The following ELAVL4 variants were observed in gnomAD, a reference collection of about 807,000 sequenced individuals.
ELAVL4 encodes the protein ELAV like RNA binding protein 4, also known as ELAV-like protein 4.
A neutral mutation model predicts 35.6 loss-of-function variants in ELAVL4; 1 was observed. The ratio of observed to expected loss-of-function variants is 0.03; its 90% CI spans 0.01 to 0.13. The LOEUF (loss-of-function observed/expected upper bound fraction) is 0.13. Ranked by LOEUF, ELAVL4 falls within the 10% of genes least tolerant of loss-of-function variation. ELAVL4 has a pLI of 1.00. For missense variants in ELAVL4, 267 were observed against 464.9 expected (o/e 0.57, Z 3.91); for synonymous variants, 156 against 171.0 (o/e 0.91, Z 0.69).
chr1:50,128,813 A>G (rs1670383954), intron 1 of ELAVL4, among the ~76,000 whole-genome samples: 1 of 152,108 alleles, frequency 6.6e-6, no homozygotes, highest in Non-Finnish European at 1.5e-5. Flanking sequence ...TGTGCATTCC[A>G]GGGCTTATGG....
At chr1:50,193,982 G>T in intron 4 of ELAVL4, 64 bp downstream of exon 4, 1 of 1,578,422 alleles carries the variant, frequency 6.3e-7, no homozygotes, top group Non-Finnish European at 8.6e-7. Context: ...TTACTCATAA[G>T]AGCAGAAGGC....
chr1:50,117,758 C>A (rs774517312), intron 1 of ELAVL4, among the ~76,000 whole-genome samples: 2 of 152,108 alleles, frequency 1.3e-5, no homozygotes, highest in African/African-American at 2.4e-5. Flanking sequence ...AGAAAGAGGC[C>A]CATCTGCCCA....
At chr1:50,185,355 A>G (rs772332520) in intron 3 of ELAVL4, among the ~76,000 whole-genome samples, 15 of 152,250 alleles carry the variant, frequency 9.9e-5, no homozygotes, top group Non-Finnish European at 1.8e-4. Context: ...CCTCATCTGC[A>G]AAATGATTTT....
intron 2 of ELAVL4, 91 bp downstream of exon 2, chr1:50,145,288 A>G (rs1434722930): frequency 5.1e-6 from 8 of 1,563,970 alleles, no homozygotes; most frequent in Non-Finnish European, 7.0e-6. Context: ...GAATGTCTAT[A>G]TCATGTACCC....
chr1:50,171,248 G>A (rs1332537353), intron 2 of ELAVL4, among the ~76,000 whole-genome samples: 2 of 152,096 alleles, frequency 1.3e-5, no homozygotes, highest in Admixed American at 1.3e-4. Context: ...AGAAGGAGAA[G>A]AGACCCCCAG....
rs1644416395 is a variant in ELAVL4 at position 50,202,112 on chromosome 1, A to G, written c.*934A>G. ...TGGGCTATAAACAGATGATCTTCAT[A>G]TCTTTTCATAGCATGTAATAATAAT... On this transcript the variant is annotated 3_prime_UTR_variant, in exon 7 of 7. Transcript: ENST00000371824. The G allele has an allele frequency of 6.6e-6, 1 of 152,174 alleles. No individual in the cohort carries two copies. The allele number at this position is 152,174 out of a possible 1,614,324, so 9.4% of individuals were successfully genotyped here. A position where few individuals can be genotyped will look rare whatever the true frequency, so the allele number is the denominator to read the frequency against.
chr1:50,146,516 A>G (rs1402476883), intron 2 of ELAVL4, among the ~76,000 whole-genome samples: 3 of 152,156 alleles, frequency 2.0e-5, no homozygotes, highest in African/African-American at 7.2e-5. Flanking sequence ...AAATAAATCT[A>G]TTATTGTAAG....
At chr1:50,122,885 A>G (rs1322224630) in intron 1 of ELAVL4, among the ~76,000 whole-genome samples, 1 of 152,110 alleles carries the variant, frequency 6.6e-6, no homozygotes, top group Non-Finnish European at 1.5e-5. Flanking sequence ...AAAAGGATTA[A>G]TACCACTCAG....
chr1:50,197,379 A>C (rs2148889965), intron 5 of ELAVL4, 50 bp from the exon 6 acceptor site: 1 of 1,539,538 alleles, frequency 6.5e-7, no homozygotes, highest in East Asian at 2.4e-5. Flanking sequence ...CCATTGAGCG[A>C]TCTTGCCATC....
chr1:50,118,416 A>G (rs1668316624), intron 1 of ELAVL4, among the ~76,000 whole-genome samples: 1 of 152,026 alleles, frequency 6.6e-6, no homozygotes, highest in Non-Finnish European at 1.5e-5. Context: ...CACCTCTAGA[A>G]GTGATCAGAT....
chr1:50,057,963 G>T (rs1663766022), intron 1 of ELAVL4, among the ~76,000 whole-genome samples: 1 of 152,082 alleles, frequency 6.6e-6, no homozygotes, highest in African/African-American at 2.4e-5. Flanking sequence ...TTCTTTTTGG[G>T]TATAAATTAT....
At chr1:50,161,535 C>A (rs774011434) in intron 2 of ELAVL4, among the ~76,000 whole-genome samples, 2 of 151,944 alleles carry the variant, frequency 1.3e-5, no homozygotes, top group Non-Finnish European at 2.9e-5. Context: ...TTACAAATTT[C>A]CTTTCTTTTC....
rs766781834 is a variant in ELAVL4, at chr1:50,195,556, C to T, written c.509-5C>T. The T allele has an allele frequency of 6.2e-7, 1 of 1,614,030 alleles. No individual in the cohort carries two copies. Among genetic ancestry groups the T allele is most frequent in the Non-Finnish European group, 8.5e-7 (1 of 1,179,936 alleles). On this transcript the variant is annotated splice_polypyrimidine_tract_variant and splice_region_variant and intron_variant, in intron 4 of 6. Coordinates refer to ENST00000371824, the MANE Select transcript of ELAVL4 (RefSeq NM_001144774.3). ...TCTTTACAAAGGCTCTTTCTCTTTCCCCAGGAGTGTCCAGAGGGGTGGGAT... is the reference window on the plus strand; with the variant it reads ...TCTTTACAAAGGCTCTTTCTCTTTCTCCAGGAGTGTCCAGAGGGGTGGGAT...
intron 1 of ELAVL4, among the ~76,000 whole-genome samples, chr1:50,140,774 T>C (rs1238185391): frequency 6.6e-6 from 1 of 152,226 alleles, no homozygotes; most frequent in Non-Finnish European, 1.5e-5. Context: ...CAGTTCCTTC[T>C]GGATACACAA....
intron 3 of ELAVL4, among the ~76,000 whole-genome samples, chr1:50,189,321 T>C (rs1224575603): frequency 1.3e-5 from 2 of 152,206 alleles, no homozygotes; most frequent in African/African-American, 4.8e-5. Context: ...AAGGGAGTTG[T>C]GGGTGCTGCA....
At chr1:50,141,619 G>A (rs1358570983) in intron 1 of ELAVL4, among the ~76,000 whole-genome samples, 1 of 152,152 alleles carries the variant, frequency 6.6e-6, no homozygotes, top group Non-Finnish European at 1.5e-5. Flanking sequence ...CCTTCCCTGG[G>A]GACCATCTCC....
chr1:50,124,564 T>C (rs1669566675), intron 1 of ELAVL4, among the ~76,000 whole-genome samples: 1 of 152,100 alleles, frequency 6.6e-6, no homozygotes, highest in African/African-American at 2.4e-5. Flanking sequence ...TGTCTCCTAT[T>C]TTATCTTACT....
intron 3 of ELAVL4, 135 bp downstream of exon 3, chr1:50,177,327 T>C (rs1156938069): frequency 2.9e-6 from 2 of 680,294 alleles, no homozygotes; most frequent in African/African-American, 1.8e-5. Flanking sequence ...CCATCCACTA[T>C]ACTAAATGGG....
chr1:50,127,460 G>T (rs11585270), intron 1 of ELAVL4, among the ~76,000 whole-genome samples: 1 of 152,050 alleles, frequency 6.6e-6, no homozygotes, highest in Non-Finnish European at 1.5e-5. Flanking sequence ...TGGTGATGGC[G>T]AAAGCATTTC....
Sources: allele counts gnomAD v4.1 joint callset (sites outside exome capture counted in the v4.1 genomes callset), GRCh38; gene constraint gnomAD v4.1.1; transcripts MANE v1.5; gene names NCBI Gene and HGNC (gene_info 2026-07-23, HGNC 2026-07-21).